Variants in SASH1 observed in about 807,000 individuals in gnomAD.
The protein encoded by SASH1 is SAM and SH3 domain containing 1.
SASH1 carries 44 observed loss-of-function variants against 125.2 expected under a neutral mutation model. The ratio of observed to expected loss-of-function variants is 0.35; its 90% confidence interval spans 0.28 to 0.45. SASH1 has a LOEUF of 0.45. Ranked by LOEUF, SASH1 falls within the 20% of genes least tolerant of loss-of-function variation. The probability of loss-of-function intolerance (pLI) is 1.00; values close to 1 mark genes in which losing one functional copy is unlikely to be tolerated. For missense variants in SASH1, 1,426 were observed against 1,614.5 expected (o/e 0.88, Z 2.00); for synonymous variants, 639 against 649.1 (o/e 0.98, Z 0.24).
intron 4 of SASH1, among the ~76,000 whole-genome samples, chr6:148,448,871 C>T (rs1354913308): frequency 1.3e-5 from 2 of 152,178 alleles, no homozygotes; most frequent in Admixed American, 6.5e-5. Flanking sequence ...TTTGTCCACA[C>T]TTCCCTCTCT....
intron 2 of SASH1, among the ~76,000 whole-genome samples, chr6:148,391,313 T>C (rs1254794272): frequency 6.6e-6 from 1 of 152,024 alleles, no homozygotes; most frequent in East Asian, 1.9e-4. Flanking sequence ...TTCTCCATGT[T>C]GGTCAGGCCG....
At chr6:148,211,523 A>T in the SASH1 span, among the ~76,000 whole-genome samples, 1 of 151,756 alleles carries the variant, frequency 6.6e-6, no homozygotes, top group Non-Finnish European at 1.5e-5. Flanking sequence ...GTGAGCCAAG[A>T]TTGTGCCACT....
At chr6:148,427,781 A>G (rs561015074) in intron 2 of SASH1, among the ~76,000 whole-genome samples, 2 of 152,324 alleles carry the variant, frequency 1.3e-5, no homozygotes, top group East Asian at 3.9e-4. Context: ...CTGTCTTCCC[A>G]GACTGATTTC....
intron 2 of SASH1, among the ~76,000 whole-genome samples, chr6:148,400,181 A>C (rs1784116868): frequency 6.6e-6 from 1 of 152,164 alleles, no homozygotes; most frequent in Non-Finnish European, 1.5e-5. Flanking sequence ...AACAGTCTAC[A>C]TTTGAGACTG....
intron 1 of SASH1, among the ~76,000 whole-genome samples, chr6:148,289,861 G>GTTTTTTTTTTTTTTTTTTTTTTTTTTT (rs144013796): frequency 1.2e-5 from 1 of 85,894 alleles, no homozygotes; most frequent in Non-Finnish European, 2.2e-5. Flanking sequence ...TTTTGGTTGT[G>GTTTTTTTTTTTTTTTTTTTTTTTTTTT]TTTTTTTTTT....
chr6:148,194,900 C>T, the SASH1 span, among the ~76,000 whole-genome samples: 2 of 151,766 alleles, frequency 1.3e-5, no homozygotes, highest in South Asian at 2.1e-4. Flanking sequence ...AGCGAGACTC[C>T]GTCTCAAAAC....
chr6:148,377,183 AC>A lies in SASH1; in HGVS notation c.157-12950del, dbSNP rs1562363136. On this transcript the variant is annotated intron_variant, in intron 1 of 19. Transcript: ENST00000367467. ...AGACTCCGTCTCAAAAAAAAAAAAAACAAAAAAAAAACAAAAAAAAAACAAA... is the reference window on the plus strand; with the variant it reads ...AGACTCCGTCTCAAAAAAAAAAAAAAAAAAAAAAAACAAAAAAAAAACAAA... 2.6e-4 allele frequency among the ~76,000 whole-genome samples: 17 copies of A among 65,338 alleles called. 1 individual carries two copies. Among genetic ancestry groups the A allele is most frequent in the East Asian group, 1.3e-3 (4 of 3,072 alleles). 42.9% of individuals were successfully genotyped at this position (65,338 alleles called of 152,430 possible). A position where few individuals can be genotyped will look rare whatever the true frequency, so the allele number is the denominator to read the frequency against.
intron 2 of SASH1, among the ~76,000 whole-genome samples, chr6:148,399,879 G>T (rs1205051658): frequency 6.6e-6 from 1 of 152,206 alleles, no homozygotes; most frequent in Non-Finnish European, 1.5e-5. Context: ...CCCAGGCCAG[G>T]TGCCTTTTTG....
chr6:148,204,633 A>C, the SASH1 span, among the ~76,000 whole-genome samples: 1 of 152,166 alleles, frequency 6.6e-6, no homozygotes, highest in Non-Finnish European at 1.5e-5. Flanking sequence ...TGGAGGTTGC[A>C]GTGAGCCAAG....
chr6:148,391,112 CTT>C (rs1394140807), intron 2 of SASH1, among the ~76,000 whole-genome samples: 8 of 143,364 alleles, frequency 5.6e-5, no homozygotes, highest in Admixed American at 1.4e-4. Context: ...TAAAGACACT[CTT>C]TTTTTTTTTT....
the SASH1 span, among the ~76,000 whole-genome samples, chr6:148,266,304 A>G: frequency 1.3e-5 from 2 of 152,236 alleles, no homozygotes; most frequent in South Asian, 4.1e-4. Flanking sequence ...CCTCTCTGCC[A>G]CTTGCTGAAA....
chr6:148,317,994 C>T (rs1317100406), intron 1 of SASH1, among the ~76,000 whole-genome samples: 1 of 152,056 alleles, frequency 6.6e-6, no homozygotes, highest in Non-Finnish European at 1.5e-5. Context: ...TTAATACTAG[C>T]AAGTATTTAC....
intron 12 of SASH1, among the ~76,000 whole-genome samples, chr6:148,527,958 A>G (rs1040154816): frequency 7.4e-6 from 1 of 134,748 alleles, no homozygotes; most frequent in Admixed American, 7.9e-5. Flanking sequence ...AATGGATGTT[A>G]CCTGAATCAA....
intron 4 of SASH1, among the ~76,000 whole-genome samples, chr6:148,449,978 C>T (rs769078707): frequency 2.6e-5 from 4 of 152,158 alleles, no homozygotes; most frequent in Admixed American, 6.5e-5. Flanking sequence ...GCAAACCATT[C>T]GTGAGGGATC....
chr6:148,425,523 A>G (rs1430589634), intron 2 of SASH1, among the ~76,000 whole-genome samples: 1 of 152,224 alleles, frequency 6.6e-6, no homozygotes, highest in Non-Finnish European at 1.5e-5. Context: ...CTGGAATGGC[A>G]TATAGTTCTT....
intron 4 of SASH1, among the ~76,000 whole-genome samples, chr6:148,454,425 C>G (rs1015872227): frequency 1.3e-5 from 2 of 152,212 alleles, no homozygotes; most frequent in Non-Finnish European, 2.9e-5. Flanking sequence ...GAAGAGAATT[C>G]GGAGAAATGT....
At chr6:148,301,967 T>G (rs1186226386) in intron 1 of SASH1, among the ~76,000 whole-genome samples, 1 of 151,842 alleles carries the variant, frequency 6.6e-6, no homozygotes, top group Admixed American at 6.6e-5. Flanking sequence ...TGCTAAATAA[T>G]TTTCATGTTA....
At chr6:148,454,918 C>T (rs1213225690) in intron 4 of SASH1, among the ~76,000 whole-genome samples, 2 of 152,240 alleles carry the variant, frequency 1.3e-5, no homozygotes, top group Non-Finnish European at 2.9e-5. Context: ...CAGTCCCCAA[C>T]CTCTCATCTA....
chr6:148,533,273 G>A lies in SASH1; in HGVS notation c.1734+307G>A, dbSNP rs1381739692. ...ACCTGGCTCCTGCTCCACACACCTG[G>A]TTTCTGTGTTTTCTCCATCTGAAGA... On this transcript the variant is annotated intron_variant, in intron 14 of 19. Transcript: ENST00000367467. The surrounding 1 kb of genome is among the most constrained non-coding windows in gnomAD (Gnocchi z 6.2). 6.6e-6 allele frequency among the ~76,000 whole-genome samples: 1 copy of A among 152,138 alleles called. No homozygotes were observed. Among genetic ancestry groups the A allele is most frequent in the Admixed American group, 6.5e-5 (1 of 15,278 alleles).
Sources: gnomAD v4.1 joint callset for allele counts (sites outside exome capture counted in the v4.1 genomes callset) on GRCh38, gnomAD v4.1.1 for gene constraint, Gnocchi (gnomAD v3.1) non-coding constraint, MANE v1.5 for transcripts, NCBI Gene and HGNC (gene_info 2026-07-23, HGNC 2026-07-21) for gene names.